FRMD4A: variants seen among roughly 807,000 people sequenced by gnomAD.
The protein encoded by FRMD4A is FERM domain containing 4A.
A neutral mutation model predicts 129.1 loss-of-function variants in FRMD4A; 29 were observed. The observed-to-expected ratio is 0.22, with a 90% CI of 0.17 to 0.31. FRMD4A has a LOEUF of 0.31. Among genes scored for constraint, FRMD4A ranks in the 10% least tolerant of loss-of-function variants. The pLI, the probability that FRMD4A is intolerant of heterozygous loss-of-function variation, is 1.00. For synonymous variants in FRMD4A, 634 were observed against 571.6 expected (o/e 1.11, Z -1.56); for missense variants, 1,272 against 1,375.8 (o/e 0.92, Z 1.19).
At chr10:13,993,852 T>TTA (rs1555006735) in intron 2 of FRMD4A, among the ~76,000 whole-genome samples, 1,520 of 151,260 alleles carry the variant, frequency 0.01, 20 homozygotes, top group African/African-American at 0.022. Context: ...TTTTTTTTTT[T>TTA]AAAAAAATAT....
chr10:14,149,026 C>G (rs11258901), intron 2 of FRMD4A, among the ~76,000 whole-genome samples: 13,151 of 152,046 alleles, frequency 0.086, 899 homozygotes, highest in African/African-American at 0.18. Flanking sequence ...CACACCAGAG[C>G]ACAGAAATAA....
At chr10:13,742,724 C>A (rs1325910135) in intron 9 of FRMD4A, among the ~76,000 whole-genome samples, 2 of 152,166 alleles carry the variant, frequency 1.3e-5, no homozygotes, top group Non-Finnish European at 2.9e-5. Flanking sequence ...ACCACATTGA[C>A]CAGGCTGGTC....
At chr10:13,718,654 T>C (rs916666056) in intron 12 of FRMD4A, among the ~76,000 whole-genome samples, 1 of 152,242 alleles carries the variant, frequency 6.6e-6, no homozygotes, top group African/African-American at 2.4e-5. Context: ...GCAGATTGAC[T>C]TGGGGAAACT....
At chr10:14,295,388 A>G (rs1475843995) in intron 2 of FRMD4A, among the ~76,000 whole-genome samples, 1 of 152,202 alleles carries the variant, frequency 6.6e-6, no homozygotes, top group Non-Finnish European at 1.5e-5. Flanking sequence ...AGAGAAAACA[A>G]AAGCTGATTT....
intron 2 of FRMD4A, among the ~76,000 whole-genome samples, chr10:14,063,384 T>A (rs1188326624): frequency 6.6e-6 from 1 of 152,190 alleles, no homozygotes; most frequent in Non-Finnish European, 1.5e-5. Flanking sequence ...AGACATTTGC[T>A]GTGCCATTTA....
intron 2 of FRMD4A, among the ~76,000 whole-genome samples, chr10:14,136,905 T>G (rs943363): frequency 0.3 from 45,169 of 152,098 alleles, 7,088 homozygotes; most frequent in East Asian, 0.51. Flanking sequence ...ATACTTTTGA[T>G]TTCACAGGTA....
intron 2 of FRMD4A, among the ~76,000 whole-genome samples, chr10:14,016,628 G>A (rs778719439): frequency 2.0e-5 from 3 of 152,132 alleles, no homozygotes; most frequent in Non-Finnish European, 4.4e-5. Context: ...TTTCATTTGA[G>A]TAACTATGAG....
chr10:14,212,307 A>G (rs1252469879), intron 2 of FRMD4A, among the ~76,000 whole-genome samples: 3 of 152,088 alleles, frequency 2.0e-5, no homozygotes, highest in African/African-American at 7.2e-5. Flanking sequence ...GCCTGCTTAG[A>G]CCTTTTGTTT....
chr10:14,009,507 G>A (rs941000166), intron 2 of FRMD4A, among the ~76,000 whole-genome samples: 3 of 152,160 alleles, frequency 2.0e-5, no homozygotes, highest in African/African-American at 2.4e-5. Flanking sequence ...CATTGAAAAT[G>A]ACGGAAATGA....
At chr10:13,850,785 T>C (rs1455349840) in intron 3 of FRMD4A, among the ~76,000 whole-genome samples, 1 of 152,238 alleles carries the variant, frequency 6.6e-6, no homozygotes, top group African/African-American at 2.4e-5. Context: ...AGAGGACCTA[T>C]GCTCGAGCTA....
intron 2 of FRMD4A, among the ~76,000 whole-genome samples, chr10:14,079,219 A>T (rs935481585): frequency 7.2e-5 from 11 of 152,070 alleles, no homozygotes; most frequent in African/African-American, 2.7e-4. Context: ...TTACATACGG[A>T]GGTGGAAAAT....
intron 2 of FRMD4A, among the ~76,000 whole-genome samples, chr10:13,873,059 C>T (rs560584792): frequency 6.6e-5 from 10 of 151,896 alleles, no homozygotes; most frequent in Non-Finnish European, 8.8e-5. Context: ...GCCTATAGTC[C>T]TAGCTACTTG....
At chr10:14,091,784 G>A (rs1172667632) in intron 2 of FRMD4A, among the ~76,000 whole-genome samples, 1 of 152,206 alleles carries the variant, frequency 6.6e-6, no homozygotes, top group African/African-American at 2.4e-5. Context: ...TCAGGGAAAT[G>A]AGGAAACCAA....
At chr10:14,082,274 TA>T (rs1835972445) in intron 2 of FRMD4A, among the ~76,000 whole-genome samples, 1 of 152,100 alleles carries the variant, frequency 6.6e-6, no homozygotes, top group Non-Finnish European at 1.5e-5. Flanking sequence ...CAATCTAAGA[TA>T]TTTTTATTAA....
chr10:13,864,411 C>CA (rs1027613549), intron 2 of FRMD4A, among the ~76,000 whole-genome samples: 15 of 149,528 alleles, frequency 1.0e-4, no homozygotes, highest in Non-Finnish European at 8.9e-5. Context: ...TCTTTGAATT[C>CA]AAAAAAAAGT....
At chr10:14,034,583 A>G (rs184425436) in intron 2 of FRMD4A, among the ~76,000 whole-genome samples, 10 of 149,630 alleles carry the variant, frequency 6.7e-5, no homozygotes, top group Admixed American at 6.0e-4. Flanking sequence ...AAATATTTTC[A>G]TGAGAGATGA....
rs534905249 is a variant in FRMD4A, at chr10:13,644,553, A to C, written c.*2485T>G. ...TCCCCCAAGTTGAAAATATAACCCA[A>C]ATCTTTAGAATTTTTGCCTCTCATT... On this transcript the variant is annotated 3_prime_UTR_variant, in exon 25 of 25. Coordinates refer to ENST00000357447, the MANE Select transcript of FRMD4A (RefSeq NM_018027.5). The C allele has an allele frequency of 6.6e-6, 1 of 152,210 alleles. No individual in the cohort carries two copies. Among genetic ancestry groups the C allele is most frequent in the South Asian group, 2.1e-4 (1 of 4,826 alleles). 9.4% of individuals were successfully genotyped at this position (152,210 alleles called of 1,614,324 possible).
chr10:14,227,389 T>C (rs1430534756), intron 2 of FRMD4A, among the ~76,000 whole-genome samples: 1 of 151,470 alleles, frequency 6.6e-6, no homozygotes, highest in Non-Finnish European at 1.5e-5. Context: ...GTAGCTGAGA[T>C]TACAGACATG....
intron 15 of FRMD4A, among the ~76,000 whole-genome samples, chr10:13,682,953 C>T (rs2084745113): frequency 6.6e-6 from 1 of 152,180 alleles, no homozygotes; most frequent in African/African-American, 2.4e-5. Flanking sequence ...CCCTGGTAAA[C>T]CTGTGTAGAA....
Sources: gnomAD v4.1 joint callset for allele counts (sites outside exome capture counted in the v4.1 genomes callset) on GRCh38, gnomAD v4.1.1 for gene constraint, MANE v1.5 for transcripts, NCBI Gene and HGNC (gene_info 2026-07-23, HGNC 2026-07-21) for gene names.